The following PCDHGB7 variants were observed in gnomAD, a reference collection of about 807,000 sequenced individuals.
PCDHGB7 encodes the protein protocadherin gamma subfamily B, 7.
In PCDHGB7, 37 loss-of-function variants were observed where a neutral mutation model predicts 61.4. The ratio of observed to expected loss-of-function variants is 0.60; its 90% CI spans 0.46 to 0.79. PCDHGB7 has a LOEUF of 0.79. Among genes scored for constraint, PCDHGB7 ranks in the 30% least tolerant of loss-of-function variants. PCDHGB7 has a pLI of 0.00. For synonymous variants in PCDHGB7, 464 were observed against 503.5 expected (o/e 0.92, Z 1.05); for missense variants, 1,166 against 1,202.5 (o/e 0.97, Z 0.45).
At position 141,478,749 on chromosome 5, in the gene PCDHGB7, G is replaced by A. The variant is rs1306895064; in HGVS notation, c.2416-16058G>A. On this transcript the variant is annotated intron_variant, in intron 1 of 3. Coordinates refer to ENST00000398594, the MANE Select transcript of PCDHGB7 (RefSeq NM_018927.4). ...GAGTGTGGTTTGTGGTCCCATTTCA[G>A]GGGGAAGATACTTGACTCATCTGTG... The A allele has an allele frequency of 3.3e-6, 5 of 1,524,326 alleles. No homozygotes were observed. The South Asian group carries it at 6.4e-5, about 19-fold the overall frequency. The allele number at this position is 1,524,326 out of a possible 1,614,324, so 94.4% of individuals were successfully genotyped here.
intron 1 of PCDHGB7, among the ~76,000 whole-genome samples, chr5:141,454,195 T>C (rs1295815862): frequency 6.6e-6 from 1 of 152,136 alleles, no homozygotes; most frequent in Admixed American, 6.6e-5. Context: ...TTAGTGAAGG[T>C]GAATTTATTG....
intron 1 of PCDHGB7, chr5:141,422,466 G>T: frequency 1.2e-6 from 2 of 1,613,528 alleles, no homozygotes; most frequent in Non-Finnish European, 1.7e-6. Flanking sequence ...TGCTGGACAG[G>T]GAGTTGGTCC....
intron 1 of PCDHGB7, among the ~76,000 whole-genome samples, chr5:141,458,065 G>A (rs55848374): frequency 0.098 from 14,910 of 152,232 alleles, 965 homozygotes; most frequent in Non-Finnish European, 0.14. Flanking sequence ...GCACTGATGC[G>A]AACAACTATA....
intron 1 of PCDHGB7, among the ~76,000 whole-genome samples, chr5:141,455,125 A>G (rs952979433): frequency 3.5e-4 from 53 of 151,762 alleles, no homozygotes; most frequent in Non-Finnish European, 1.0e-4. Flanking sequence ...CTAATGTTTT[A>G]AATTACACTG....
intron 1 of PCDHGB7, among the ~76,000 whole-genome samples, chr5:141,434,746 C>T (rs1591345130): frequency 6.6e-6 from 1 of 151,796 alleles, no homozygotes; most frequent in South Asian, 2.1e-4. Context: ...GGCTATGAGA[C>T]CCCTGATTCC....
chr5:141,441,768 T>C, intron 1 of PCDHGB7: 1 of 387,074 alleles, frequency 2.6e-6, no homozygotes. Context: ...CCTGCGCGTG[T>C]TGGTGGACGA....
At chr5:141,454,721 A>G (rs2098797156) in intron 1 of PCDHGB7, among the ~76,000 whole-genome samples, 1 of 146,810 alleles carries the variant, frequency 6.8e-6, no homozygotes, top group South Asian at 2.2e-4. Flanking sequence ...ATTCCATATT[A>G]TATGTTATAG....
intron 1 of PCDHGB7, chr5:141,420,927 G>A (rs1257204379): frequency 2.8e-6 from 1 of 362,530 alleles, no homozygotes; most frequent in Non-Finnish European, 5.0e-6. Context: ...ACAAAGGTGA[G>A]CGTAATCATT....
Position 141,490,826 on chromosome 5 carries a change from T to A in PCDHGB7, c.2416-3981T>A, listed in dbSNP as rs1195265146. ...ACCTTTGACTATGAATTGCTGCAGA[T>A]GCTGCAGATTGTGGTGGGGGTTCGA... On this transcript the variant is annotated intron_variant, in intron 1 of 3. Coordinates refer to ENST00000398594, the MANE Select transcript of PCDHGB7 (RefSeq NM_018927.4). The surrounding 1 kb of genome is among the most constrained non-coding windows in gnomAD (Gnocchi z 5.4). 6.2e-7 allele frequency: 1 copy of A among 1,613,736 alleles called. No homozygotes were observed. The highest frequency in any genetic ancestry group is 8.5e-7 in the Non-Finnish European group (1 of 1,179,796).
At chr5:141,469,671 A>T (rs1285283342) in intron 1 of PCDHGB7, among the ~76,000 whole-genome samples, 3 of 152,236 alleles carry the variant, frequency 2.0e-5, no homozygotes, top group Admixed American at 1.3e-4. Flanking sequence ...TTCTAATAAA[A>T]CTACATATGC....
At chr5:141,422,604 T>C in intron 1 of PCDHGB7, 1 of 1,614,030 alleles carries the variant, frequency 6.2e-7, no homozygotes, top group Non-Finnish European at 8.5e-7. Flanking sequence ...CCTCTTACTC[T>C]GCCTACATTC....
At position 141,421,672 on chromosome 5, in the gene PCDHGB7, C is replaced by T; in HGVS notation, c.2415+1398C>T. On this transcript the variant is annotated intron_variant, in intron 1 of 3. Coordinates refer to ENST00000398594, the MANE Select transcript of PCDHGB7 (RefSeq NM_018927.4). Reference sequence around the variant, plus strand: ...GATAAAAGTCAGTGAGCACGCAATTCCTGGGGCGCGATTTGCTCTTCCTAA... The same window carrying T: ...GATAAAAGTCAGTGAGCACGCAATTTCTGGGGCGCGATTTGCTCTTCCTAA... 4 of 1,613,862 alleles carry T rather than the reference C, an allele frequency of 2.5e-6. No individual in the cohort carries two copies. The highest frequency in any genetic ancestry group is 1.6e-4 in the Middle Eastern group (1 of 6,062).
chr5:141,430,577 C>A, intron 1 of PCDHGB7: 1 of 464,652 alleles, frequency 2.2e-6, no homozygotes. Context: ...AAGCGGAGAT[C>A]CTGCTCGCCT....
At position 141,454,796 on chromosome 5, in the gene PCDHGB7, A is replaced by ATTTTTTTTTTTTTTTTTTTT. The variant is rs61612330; in HGVS notation, c.2415+34532_2415+34551dup. Among the ~76,000 whole-genome samples, 20 of 77,456 alleles carry ATTTTTTTTTTTTTTTTTTTT rather than the reference A, an allele frequency of 2.6e-4. 2 individuals carry two copies. Among genetic ancestry groups the ATTTTTTTTTTTTTTTTTTTT allele is most frequent in the South Asian group, 5.1e-4 (1 of 1,960 alleles). The allele number at this position is 77,456 out of a possible 152,430, so 50.8% of individuals were successfully genotyped here. On this transcript the variant is annotated intron_variant, in intron 1 of 3. Transcript: ENST00000398594. Reference sequence around the variant, plus strand: ...AAGGAAATAATCCTCCATGGTTCTAATTTTTTTTTTTTTTTTTTTTTTTTT... The same window carrying ATTTTTTTTTTTTTTTTTTTT: ...AAGGAAATAATCCTCCATGGTTCTAATTTTTTTTTTTTTTTTTTTTTTTTTTTTTTTTTTTTTTTTTTTTT...
intron 1 of PCDHGB7, among the ~76,000 whole-genome samples, chr5:141,447,143 T>G (rs1484774611): frequency 2.6e-5 from 4 of 152,132 alleles, no homozygotes; most frequent in Admixed American, 6.6e-5. Flanking sequence ...TTGTTTTTTG[T>G]TTTTGTTTTT....
At position 141,477,213 on chromosome 5, in the gene PCDHGB7, C is replaced by G; in HGVS notation, c.2416-17594C>G. ...TACAGCCCAGTACCCGAGGATGCCC[C>G]TCTGGGGACTGTCATCGCTTTGCTC... is the stretch of plus-strand genomic sequence containing the variant. On this transcript the variant is annotated intron_variant, in intron 1 of 3. Coordinates refer to ENST00000398594, the MANE Select transcript of PCDHGB7 (RefSeq NM_018927.4). The surrounding 1 kb of genome is among the most constrained non-coding windows in gnomAD (Gnocchi z 4.9). 6.2e-7 allele frequency: 1 copy of G among 1,614,184 alleles called. No individual in the cohort carries two copies.
At chr5:141,442,053 G>A (rs888378256) in intron 1 of PCDHGB7, 3 of 197,472 alleles carry the variant, frequency 1.5e-5, no homozygotes, top group Non-Finnish European at 3.2e-5. Flanking sequence ...ACTGGTCGCG[G>A]TGCACTGCGG....
In PCDHGB7 at chr5:141,489,663, C is replaced by T. The variant is rs1183544696; in HGVS notation, c.2416-5144C>T. The T allele has an allele frequency of 1.9e-6, 3 of 1,614,048 alleles. No individual in the cohort carries two copies. The highest frequency in any genetic ancestry group is 2.2e-5 in the South Asian group (2 of 91,094). ...TTGCCACCCCTGAGCGAGAGATGCGCATCTCAGAATCAGCAGCATCTGGGG... is the reference window on the plus strand; with the variant it reads ...TTGCCACCCCTGAGCGAGAGATGCGTATCTCAGAATCAGCAGCATCTGGGG... On this transcript the variant is annotated intron_variant, in intron 1 of 3. Coordinates refer to ENST00000398594, the MANE Select transcript of PCDHGB7 (RefSeq NM_018927.4). This position sits in a 1 kb window ranked among gnomAD's most constrained non-coding sequence, Gnocchi z 4.5.
Position 141,490,051 on chromosome 5 carries a change from G to C in PCDHGB7, c.2416-4756G>C, listed in dbSNP as rs779280988. 1 of 1,614,214 alleles carries C rather than the reference G, an allele frequency of 6.2e-7. No individual in the cohort carries two copies. The highest frequency in any genetic ancestry group is 1.1e-5 in the South Asian group (1 of 91,082). On this transcript the variant is annotated intron_variant, in intron 1 of 3. Coordinates refer to ENST00000398594, the MANE Select transcript of PCDHGB7 (RefSeq NM_018927.4). The surrounding 1 kb of genome is among the most constrained non-coding windows in gnomAD (Gnocchi z 5.4). Reference sequence around the variant, plus strand: ...CCGCCTCAATGCCACTGATCCAGACGAGGGCACCAACGGCCAACTAGACTA... The same window carrying C: ...CCGCCTCAATGCCACTGATCCAGACCAGGGCACCAACGGCCAACTAGACTA...
Sources: gnomAD v4.1 joint callset for allele counts (sites outside exome capture counted in the v4.1 genomes callset) on GRCh38, gnomAD v4.1.1 for gene constraint, Gnocchi (gnomAD v3.1) non-coding constraint, MANE v1.5 for transcripts, NCBI Gene and HGNC (gene_info 2026-07-23, HGNC 2026-07-21) for gene names.